The following KCTD16 variants were observed in gnomAD, a reference collection of about 807,000 sequenced individuals.
The protein encoded by KCTD16 is BTB/POZ domain-containing protein KCTD16.
Under a neutral mutation model 33.2 loss-of-function variants are expected in KCTD16, and 13 were observed. The ratio of observed to expected loss-of-function variants is 0.39; its 90% CI spans 0.25 to 0.62. The LOEUF (loss-of-function observed/expected upper bound fraction) is 0.62. Ranked by LOEUF, KCTD16 falls within the 20% of genes least tolerant of loss-of-function variation. KCTD16 has a pLI of 0.50. For missense variants in KCTD16, 441 were observed against 525.1 expected (o/e 0.84, Z 1.57); for synonymous variants, 197 against 195.3 (o/e 1.01, Z -0.07).
chr5:144,389,184 G>T (rs1307651381), intron 3 of KCTD16, among the ~76,000 whole-genome samples: 2 of 152,184 alleles, frequency 1.3e-5, no homozygotes, highest in Non-Finnish European at 2.9e-5. Context: ...GTTGCTGAAG[G>T]TAGAAATCAT....
intron 3 of KCTD16, among the ~76,000 whole-genome samples, chr5:144,413,406 C>T (rs1752976880): frequency 1.3e-5 from 2 of 152,148 alleles, no homozygotes; most frequent in South Asian, 2.1e-4. Flanking sequence ...GCTGCCCTAG[C>T]AAATGAATAC....
intron 3 of KCTD16, among the ~76,000 whole-genome samples, chr5:144,404,124 C>G (rs186244148): frequency 2.6e-5 from 4 of 152,136 alleles, no homozygotes; most frequent in Admixed American, 2.6e-4. Context: ...GTCTCATGCT[C>G]TACTCAATTC....
At chr5:144,270,014 A>T (rs1755250780) in intron 3 of KCTD16, among the ~76,000 whole-genome samples, 1 of 152,086 alleles carries the variant, frequency 6.6e-6, no homozygotes, top group Non-Finnish European at 1.5e-5. Context: ...AATATATTTA[A>T]ACATTTCAGT....
intron 3 of KCTD16, among the ~76,000 whole-genome samples, chr5:144,379,228 T>C (rs545564755): frequency 5.3e-4 from 80 of 152,218 alleles, no homozygotes; most frequent in Non-Finnish European, 9.4e-4. Flanking sequence ...ACTCCCCACA[T>C]GTTCCCATGG....
rs74718953 is a variant in KCTD16 at position 144,303,552 on chromosome 5, T to G, written c.832+96006T>G. ...CAAAAGTTTCAAACATGATTAAGCTTTTTGTGCTCATTATCTCAGAGTGAC... is the reference window on the plus strand; with the variant it reads ...CAAAAGTTTCAAACATGATTAAGCTGTTTGTGCTCATTATCTCAGAGTGAC... On this transcript the variant is annotated intron_variant, in intron 3 of 3. Coordinates refer to ENST00000512467, the MANE Select transcript of KCTD16 (RefSeq NM_020768.4). 3.9e-5 allele frequency among the ~76,000 whole-genome samples: 6 copies of G among 152,306 alleles called. No individual in the cohort carries two copies. In the East Asian group the frequency reaches 1.2e-3, roughly 29 times the overall value.
chr5:144,469,417 G>C (rs1754420682), intron 3 of KCTD16, among the ~76,000 whole-genome samples: 1 of 152,122 alleles, frequency 6.6e-6, no homozygotes, highest in Non-Finnish European at 1.5e-5. Flanking sequence ...ATTCCAGCTA[G>C]ATCTAAGTAT....
At chr5:144,317,826 G>C (rs1450742925) in intron 3 of KCTD16, among the ~76,000 whole-genome samples, 4 of 152,114 alleles carry the variant, frequency 2.6e-5, no homozygotes, top group Admixed American at 2.6e-4. Context: ...TTCTATCATA[G>C]TATGCATCAC....
intron 3 of KCTD16, among the ~76,000 whole-genome samples, chr5:144,285,094 G>A (rs1397215005): frequency 6.6e-6 from 1 of 152,138 alleles, no homozygotes; most frequent in African/African-American, 2.4e-5. Flanking sequence ...AGAAGGTCTT[G>A]GCAAGAAGTC....
intron 3 of KCTD16, among the ~76,000 whole-genome samples, chr5:144,467,094 TTATATATAA>T (rs1415529953): frequency 1.4e-5 from 2 of 140,484 alleles, no homozygotes; most frequent in Admixed American, 7.4e-5. Flanking sequence ...GTTATATATA[TTATATATAA>T]TATATATAAC....
chr5:144,305,326 G>A (rs895992858), intron 3 of KCTD16, among the ~76,000 whole-genome samples: 1 of 152,110 alleles, frequency 6.6e-6, no homozygotes, highest in Non-Finnish European at 1.5e-5. Flanking sequence ...AACCCATATG[G>A]TGAAGCCCTA....
rs561073910 is a variant in KCTD16, at chr5:144,242,397, A to G, written c.832+34851A>G. Among the ~76,000 whole-genome samples the G allele has an allele frequency of 5.9e-5, 9 of 152,308 alleles. No homozygotes were observed. In the South Asian group the frequency reaches 1.9e-3, roughly 32 times the overall value. ...AATAACACAAACCATAGAAAATTAT[A>G]TACTTTTTCCCTATGTATAACACCT... On this transcript the variant is annotated intron_variant, in intron 3 of 3. Transcript: ENST00000512467.
At chr5:144,400,059 T>A (rs907283466) in intron 3 of KCTD16, among the ~76,000 whole-genome samples, 2 of 152,214 alleles carry the variant, frequency 1.3e-5, no homozygotes, top group Admixed American at 1.3e-4. Flanking sequence ...CTAAATATAT[T>A]GATTATTTTT....
intron 3 of KCTD16, among the ~76,000 whole-genome samples, chr5:144,356,309 A>G (rs1193672335): frequency 6.6e-6 from 1 of 152,172 alleles, no homozygotes; most frequent in Non-Finnish European, 1.5e-5. Context: ...TTCTCTGAGT[A>G]AGTGTGTGTC....
chr5:144,174,227 C>G (rs760651597), intron 1 of KCTD16, 80 bp from the exon 2 acceptor site: 21 of 152,262 alleles, frequency 1.4e-4, no homozygotes, highest in African/African-American at 5.1e-4. Context: ...CACAAACACA[C>G]GCAAAACAAC....
At position 144,477,527 on chromosome 5, in the gene KCTD16, C is replaced by A. The variant is rs1330079925; in HGVS notation, c.*3413C>A. 1 of 152,012 alleles carries A rather than the reference C, an allele frequency of 6.6e-6. No individual in the cohort carries two copies. The highest frequency in any genetic ancestry group is 1.5e-5 in the Non-Finnish European group (1 of 67,976). 9.4% of individuals were successfully genotyped at this position (152,012 alleles called of 1,614,324 possible). A position where few individuals can be genotyped will look rare whatever the true frequency, so the allele number is the denominator to read the frequency against. ...TGTTAGATTCAGAGGAATCTTTATC[C>A]ATAGGCACAGGTGTGTTGCTTGTTC... On this transcript the variant is annotated 3_prime_UTR_variant, in exon 4 of 4. Coordinates refer to ENST00000512467, the MANE Select transcript of KCTD16 (RefSeq NM_020768.4).
intron 2 of KCTD16, among the ~76,000 whole-genome samples, chr5:144,199,748 C>G (rs908725408): frequency 8.3e-6 from 1 of 120,364 alleles, no homozygotes; most frequent in Admixed American, 1.0e-4. Context: ...GACAGAGTCT[C>G]GCTTTGTCAT....
At position 144,173,945 on chromosome 5, in the gene KCTD16, C is replaced by CTA. The variant is rs1752447856; in HGVS notation, c.-492-361_-492-360insAT. Among the ~76,000 whole-genome samples the CTA allele has an allele frequency of 2.0e-5, 3 of 148,416 alleles. No individual in the cohort carries two copies. In the East Asian group the frequency reaches 6.0e-4, roughly 30 times the overall value. On this transcript the variant is annotated intron_variant, in intron 1 of 3. Coordinates refer to ENST00000512467, the MANE Select transcript of KCTD16 (RefSeq NM_020768.4). Reference sequence around the variant, plus strand: ...CATTGCTCCCTCACTCTGGGATAGGCTCCAGAAAGTTATATTAAAGGAGAC... The same window carrying CTA: ...CATTGCTCCCTCACTCTGGGATAGGCTATCCAGAAAGTTATATTAAAGGAGAC...
At chr5:144,269,443 T>A (rs754375213) in intron 3 of KCTD16, among the ~76,000 whole-genome samples, 1 of 151,996 alleles carries the variant, frequency 6.6e-6, no homozygotes, top group Non-Finnish European at 1.5e-5. Flanking sequence ...GGTGATATAT[T>A]CAAAGCATTA....
intron 2 of KCTD16, among the ~76,000 whole-genome samples, chr5:144,194,987 C>T (rs986088638): frequency 3.3e-5 from 5 of 152,116 alleles, no homozygotes; most frequent in African/African-American, 9.7e-5. Flanking sequence ...TTGTGCTGAT[C>T]AAAAGTAACT....
Sources: gnomAD v4.1 joint callset for allele counts (sites outside exome capture counted in the v4.1 genomes callset) on GRCh38, gnomAD v4.1.1 for gene constraint, MANE v1.5 for transcripts, NCBI Gene and HGNC (gene_info 2026-07-23, HGNC 2026-07-21) for gene names.